Variants in NKAIN3 observed in about 807,000 individuals in gnomAD.
NKAIN3 encodes sodium/potassium transporting ATPase interacting 3, also known as sodium/potassium-transporting ATPase subunit beta-1-interacting protein 3.
Under a neutral mutation model 30.2 loss-of-function variants are expected in NKAIN3, and 25 were observed. The observed-to-expected ratio is 0.83, with a 90% CI of 0.60 to 1.16. The LOEUF is 1.16. NKAIN3 is among the 50% of genes most tolerant of loss of function. The pLI, the probability that NKAIN3 is intolerant of heterozygous loss-of-function variation, is 0.00. For missense variants in NKAIN3, 225 were observed against 254.1 expected (o/e 0.89, Z 0.78); for synonymous variants, 91 against 89.6 (o/e 1.02, Z -0.09).
intron 3 of NKAIN3, among the ~76,000 whole-genome samples, chr8:62,606,844 A>G (rs1395494176): frequency 3.3e-5 from 5 of 152,210 alleles, no homozygotes; most frequent in Non-Finnish European, 7.3e-5. Flanking sequence ...GCAGCATAGG[A>G]CATCAGAAGC....
chr8:62,395,532 A>G (rs764437626), intron 1 of NKAIN3, among the ~76,000 whole-genome samples: 1 of 152,252 alleles, frequency 6.6e-6, no homozygotes, highest in Non-Finnish European at 1.5e-5. Context: ...ATTTTAAGCA[A>G]GAGACTTTTC....
Position 62,766,880 on chromosome 8 carries a change from T to C in NKAIN3, c.471+19751T>C, listed in dbSNP as rs186541455. Among the ~76,000 whole-genome samples the C allele has an allele frequency of 7.0e-3, 1,067 of 152,134 alleles. 14 individuals carry two copies. Among genetic ancestry groups the C allele is most frequent in the African/African-American group, 0.024 (997 of 41,492 alleles). ...TGCCCTGGTTTGGGCTTGAGCAGGT[T>C]CCCTTGGGGACAGAATAAGCCTCAG... On this transcript the variant is annotated intron_variant, in intron 4 of 6. Transcript: ENST00000623646.
At chr8:62,939,437 C>T (rs965161857) in intron 5 of NKAIN3, among the ~76,000 whole-genome samples, 1 of 152,140 alleles carries the variant, frequency 6.6e-6, no homozygotes, top group Non-Finnish European at 1.5e-5. Context: ...AGATAATTGC[C>T]TAGGCACATA....
At chr8:62,618,672 G>A (rs188984788) in intron 3 of NKAIN3, among the ~76,000 whole-genome samples, 11 of 152,254 alleles carry the variant, frequency 7.2e-5, no homozygotes, top group Admixed American at 5.9e-4. Flanking sequence ...TTGGGAGGCC[G>A]AAGCAGGCAG....
At chr8:62,824,253 C>T (rs1328078122) in intron 4 of NKAIN3, among the ~76,000 whole-genome samples, 1 of 152,112 alleles carries the variant, frequency 6.6e-6, no homozygotes, top group Non-Finnish European at 1.5e-5. Context: ...CACCAATATT[C>T]TCAATAGCTG....
intron 4 of NKAIN3, among the ~76,000 whole-genome samples, chr8:62,865,561 T>A (rs1416327079): frequency 1.3e-5 from 2 of 152,220 alleles, no homozygotes; most frequent in Non-Finnish European, 2.9e-5. Context: ...CTCTAAGCAT[T>A]GTTTCTTGTG....
At chr8:62,480,658 A>G (rs1306525973) in intron 1 of NKAIN3, among the ~76,000 whole-genome samples, 3 of 152,176 alleles carry the variant, frequency 2.0e-5, no homozygotes, top group East Asian at 1.9e-4. Flanking sequence ...GCTAATTGAA[A>G]AAAAGGCCCT....
At chr8:62,842,033 T>C (rs1432546487) in intron 4 of NKAIN3, among the ~76,000 whole-genome samples, 1 of 152,166 alleles carries the variant, frequency 6.6e-6, no homozygotes, top group Non-Finnish European at 1.5e-5. Context: ...TGTTGTGGTT[T>C]TTAAATTGTG....
chr8:62,799,512 C>A (rs1817984837), intron 4 of NKAIN3, among the ~76,000 whole-genome samples: 1 of 152,052 alleles, frequency 6.6e-6, no homozygotes, highest in Non-Finnish European at 1.5e-5. Flanking sequence ...CTAACTCCTG[C>A]AAGAATGGAC....
intron 4 of NKAIN3, among the ~76,000 whole-genome samples, chr8:62,878,986 C>A (rs1446694732): frequency 6.6e-6 from 1 of 152,152 alleles, no homozygotes; most frequent in African/African-American, 2.4e-5. Context: ...GTGCATGTGT[C>A]TTTATAGCAG....
intron 5 of NKAIN3, among the ~76,000 whole-genome samples, chr8:62,922,370 C>T (rs1160637683): frequency 6.6e-6 from 1 of 151,962 alleles, no homozygotes; most frequent in Non-Finnish European, 1.5e-5. Context: ...CCTATCTCCA[C>T]CTAAGAATTT....
chr8:62,562,341 C>G (rs961596171), intron 1 of NKAIN3, among the ~76,000 whole-genome samples: 1 of 152,112 alleles, frequency 6.6e-6, no homozygotes, highest in African/African-American at 2.4e-5. Context: ...AAAACACCCA[C>G]ATAAAGTTGA....
chr8:62,427,461 C>T (rs549534943), intron 1 of NKAIN3, among the ~76,000 whole-genome samples: 1 of 152,026 alleles, frequency 6.6e-6, no homozygotes, highest in African/African-American at 2.4e-5. Flanking sequence ...GTTAATTACA[C>T]TTTAAAAAAT....
chr8:62,373,986 G>A (rs1320557901), intron 1 of NKAIN3, among the ~76,000 whole-genome samples: 1 of 151,604 alleles, frequency 6.6e-6, no homozygotes, highest in Admixed American at 6.6e-5. Flanking sequence ...GGTGGCAGGC[G>A]CCTGTAGTCC....
In NKAIN3 at chr8:62,504,811, A is replaced by G. The variant is rs1037336559; in HGVS notation, c.55-74728A>G. Among the ~76,000 whole-genome samples the G allele has an allele frequency of 4.6e-5, 7 of 152,258 alleles. No homozygotes were observed. In the East Asian group the frequency reaches 9.7e-4, roughly 21 times the overall value. On this transcript the variant is annotated intron_variant, in intron 1 of 6. Coordinates refer to ENST00000623646, the MANE Select transcript of NKAIN3 (RefSeq NM_001304533.3). The stretch of plus-strand genomic sequence containing the variant: ...ACAGTGTTATAATTACTGTCTTTCC[A>G]GAGTGTTCCCTCACTACTTCTCTTT...
chr8:62,317,141 T>A (rs905877089), intron 1 of NKAIN3, among the ~76,000 whole-genome samples: 1 of 152,192 alleles, frequency 6.6e-6, no homozygotes, highest in African/African-American at 2.4e-5. Flanking sequence ...TTCTTGTAAA[T>A]TTGTTTGATT....
At chr8:62,875,577 C>CT (rs1371903135) in intron 4 of NKAIN3, among the ~76,000 whole-genome samples, 2 of 152,178 alleles carry the variant, frequency 1.3e-5, no homozygotes, top group African/African-American at 4.8e-5. Flanking sequence ...TCAAACTATA[C>CT]TACAAGGCTA....
At chr8:62,283,612 A>C (rs1813274544) in intron 1 of NKAIN3, among the ~76,000 whole-genome samples, 1 of 152,136 alleles carries the variant, frequency 6.6e-6, no homozygotes, top group Non-Finnish European at 1.5e-5. Context: ...TGATTATTGA[A>C]GTAGGATTTT....
intron 4 of NKAIN3, among the ~76,000 whole-genome samples, chr8:62,777,021 T>C (rs1418014667): frequency 6.6e-6 from 1 of 152,212 alleles, no homozygotes. Flanking sequence ...AAATATGTCA[T>C]GCCGCTCTCA....
Sources: allele counts gnomAD v4.1 joint callset (sites outside exome capture counted in the v4.1 genomes callset), GRCh38; gene constraint gnomAD v4.1.1; transcripts MANE v1.5; gene names NCBI Gene and HGNC (gene_info 2026-07-23, HGNC 2026-07-21).